Variants in ZFX observed in about 807,000 individuals in gnomAD.
The protein encoded by ZFX is zinc finger X-chromosomal protein.
For synonymous variants in ZFX, 196 were observed against 226.8 expected (o/e 0.86, Z 1.22); for missense variants, 362 against 628.3 (o/e 0.58, Z 4.53).
At chrX:24,177,125 G>C (rs1159572623) in intron 4 of ZFX, among the ~76,000 whole-genome samples, 6 of 110,629 alleles carry the variant, frequency 5.4e-5, no homozygotes, top group African/African-American at 1.6e-4. Flanking sequence ...GTAGAGACAG[G>C]GTTTCACAGT....
chrX:24,174,180 T>A (rs1303801032), intron 4 of ZFX, among the ~76,000 whole-genome samples: 1 of 108,962 alleles, frequency 9.2e-6, no homozygotes, highest in Non-Finnish European at 1.9e-5. Flanking sequence ...ACCACTGCAC[T>A]CCAGTCTGGG....
chrX:24,159,310 A>G (rs1414882826), intron 3 of ZFX, among the ~76,000 whole-genome samples: 8 of 111,379 alleles, frequency 7.2e-5, no homozygotes, highest in Non-Finnish European at 1.5e-4. Flanking sequence ...ATTTTAAACT[A>G]TTTTTCGATT....
intron 5 of ZFX, among the ~76,000 whole-genome samples, chrX:24,202,117 A>G (rs899852566): frequency 8.9e-6 from 1 of 111,830 alleles, no homozygotes; most frequent in African/African-American, 3.3e-5. Flanking sequence ...TTCTCATTCA[A>G]GTCTCAGAAG....
At chrX:24,177,433 A>G (rs1419655859) in intron 4 of ZFX, among the ~76,000 whole-genome samples, 1 of 111,250 alleles carries the variant, frequency 9.0e-6, no homozygotes, top group African/African-American at 3.3e-5. Context: ...GAGTAGGGGA[A>G]CTATGTTCCG....
At chrX:24,179,069 G>A (rs1239541622) in intron 4 of ZFX, 114 bp from the exon 5 acceptor site, 14 of 652,686 alleles carry the variant, frequency 2.1e-5, no homozygotes, top group Non-Finnish European at 3.3e-5. Flanking sequence ...CTATCTTAAT[G>A]TTTAAGAAAA....
chrX:24,207,293 T>C, intron 5 of ZFX, 33 bp from the exon 6 acceptor site: 1 of 1,161,159 alleles, frequency 8.6e-7, no homozygotes, highest in Non-Finnish European at 1.2e-6. Flanking sequence ...TAAATATCTG[T>C]TACTATTTGT....
At chrX:24,208,159 C>T (rs1366731990) in intron 7 of ZFX, 59 bp from the exon 8 acceptor site, 3 of 1,171,152 alleles carry the variant, frequency 2.6e-6, no homozygotes, top group East Asian at 3.0e-5. Context: ...CAAATAAAAA[C>T]GTGTTTCCTG....
chrX:24,200,614 T>G (rs934789256), intron 5 of ZFX, among the ~76,000 whole-genome samples: 18 of 112,747 alleles, frequency 1.6e-4, no homozygotes, highest in African/African-American at 5.8e-4. Context: ...TGTTCTTTCT[T>G]CCATCCTTTT....
At chrX:24,150,371 G>T in intron 1 of ZFX, 1 of 112,542 alleles carries the variant, frequency 8.9e-6, no homozygotes, top group South Asian at 3.1e-4. Flanking sequence ...GGGCCCCGGA[G>T]GCCCGGCGCG....
At chrX:24,183,377 G>A (rs1456571980) in intron 5 of ZFX, among the ~76,000 whole-genome samples, 1 of 111,333 alleles carries the variant, frequency 9.0e-6, no homozygotes, top group East Asian at 2.8e-4. Flanking sequence ...GTAGAGACGG[G>A]GTTTCACCAT....
intron 3 of ZFX, among the ~76,000 whole-genome samples, chrX:24,172,087 A>G (rs1442253059): frequency 3.6e-5 from 4 of 111,985 alleles, no homozygotes; most frequent in Non-Finnish European, 7.5e-5. Context: ...GAATATAAAT[A>G]CACTATGGGA....
intron 3 of ZFX, among the ~76,000 whole-genome samples, chrX:24,157,942 C>T (rs754496818): frequency 3.6e-5 from 4 of 110,561 alleles, no homozygotes; most frequent in Non-Finnish European, 5.7e-5. Context: ...GTATTTTAGT[C>T]GAGACAGGTT....
intron 5 of ZFX, among the ~76,000 whole-genome samples, chrX:24,190,406 A>G (rs1217120087): frequency 8.9e-6 from 1 of 112,220 alleles, no homozygotes; most frequent in African/African-American, 3.2e-5. Flanking sequence ...ACTACAATTA[A>G]TGACTTAAGA....
At chrX:24,192,560 G>A in intron 5 of ZFX, among the ~76,000 whole-genome samples, 1 of 111,025 alleles carries the variant, frequency 9.0e-6, no homozygotes, top group Non-Finnish European at 1.9e-5. Flanking sequence ...TTCTCAAGAC[G>A]AGCACAAGAT....
chrX:24,207,058 C>A (rs772736329), intron 5 of ZFX: 132 of 246,614 alleles, frequency 5.4e-4, no homozygotes, highest in Admixed American at 1.4e-3. Context: ...ATGGTGAAAC[C>A]CTGTCTCTAC....
intron 3 of ZFX, among the ~76,000 whole-genome samples, chrX:24,155,500 C>G (rs1266091183): frequency 1.8e-5 from 2 of 112,139 alleles, no homozygotes; most frequent in African/African-American, 6.5e-5. Context: ...AACACTACTG[C>G]TATGAACATC....
At chrX:24,162,224 G>A (rs763958795) in intron 3 of ZFX, among the ~76,000 whole-genome samples, 1 of 111,019 alleles carries the variant, frequency 9.0e-6, no homozygotes, top group African/African-American at 3.3e-5. Context: ...GTGAAACTCT[G>A]TCTCAAAAAA....
At chrX:24,178,191 A>G (rs1464959932) in intron 4 of ZFX, among the ~76,000 whole-genome samples, 1 of 111,361 alleles carries the variant, frequency 9.0e-6, no homozygotes, top group African/African-American at 3.3e-5. Flanking sequence ...TGGCCTCCCA[A>G]AGTGCTGGGA....
At chrX:24,167,502 C>A (rs1433352591) in intron 3 of ZFX, among the ~76,000 whole-genome samples, 1 of 111,350 alleles carries the variant, frequency 9.0e-6, no homozygotes, top group East Asian at 2.8e-4. Context: ...TAATGAAACA[C>A]CAGAGGAGAC....
Sources: gnomAD v4.1 joint callset for allele counts (sites outside exome capture counted in the v4.1 genomes callset) on GRCh38, gnomAD v4.1.1 for gene constraint, MANE v1.5 for transcripts, NCBI Gene and HGNC (gene_info 2026-07-23, HGNC 2026-07-21) for gene names.